The following DUSP22 variants were observed in gnomAD, a reference collection of about 807,000 sequenced individuals.
DUSP22 encodes dual specificity protein phosphatase 22.
DUSP22 carries 24 observed loss-of-function variants against 24.5 expected under a neutral mutation model. The observed-to-expected ratio is 0.98, with a 90% CI of 0.71 to 1.38. The LOEUF (loss-of-function observed/expected upper bound fraction) is 1.38, where lower values mean the gene tolerates loss of function less well. DUSP22 is among the 40% of genes most tolerant of loss of function. The probability of loss-of-function intolerance (pLI) is 0.00; values close to 1 mark genes in which losing one functional copy is unlikely to be tolerated. For missense variants in DUSP22, 330 were observed against 269.2 expected (o/e 1.23, Z -1.58); for synonymous variants, 160 against 106.4 (o/e 1.50, Z -3.10).
At chr6:340,123 C>T (rs1759539502) in intron 4 of DUSP22, among the ~76,000 whole-genome samples, 1 of 152,300 alleles carries the variant, frequency 6.6e-6, no homozygotes, top group African/African-American at 2.4e-5. Flanking sequence ...GTAGAGAGGC[C>T]CTTTGTTTTA....
intron 3 of DUSP22, among the ~76,000 whole-genome samples, chr6:323,249 T>TGTGC (rs1758695505): frequency 6.6e-6 from 1 of 152,216 alleles, no homozygotes; most frequent in Admixed American, 6.5e-5. Context: ...CATGTGTGTG[T>TGTGC]GTGTGTGTGT....
intron 3 of DUSP22, among the ~76,000 whole-genome samples, chr6:332,412 T>C (rs559952019): frequency 3.3e-5 from 5 of 152,418 alleles, no homozygotes; most frequent in Middle Eastern, 3.4e-3. Flanking sequence ...GATGGAGAGA[T>C]AGCCTTTGCC....
chr6:312,323 T>C (rs1758147754), intron 3 of DUSP22, among the ~76,000 whole-genome samples: 1 of 152,304 alleles, frequency 6.6e-6, no homozygotes, highest in African/African-American at 2.4e-5. Flanking sequence ...GCCTGCTCAT[T>C]TCCTGATTTT....
chr6:332,712 T>A (rs1168208980), intron 3 of DUSP22, among the ~76,000 whole-genome samples: 1 of 151,518 alleles, frequency 6.6e-6, no homozygotes, highest in African/African-American at 2.4e-5. Context: ...TGGAATAAAG[T>A]GGCTGTCAGT....
At chr6:304,171 G>A (rs942303386) in intron 1 of DUSP22, among the ~76,000 whole-genome samples, 1 of 152,308 alleles carries the variant, frequency 6.6e-6, no homozygotes, top group Non-Finnish European at 1.5e-5. Flanking sequence ...GACATAGAGG[G>A]CTACTGTCAC....
intron 1 of DUSP22, 86 bp downstream of exon 1, chr6:292,646 C>G: frequency 6.6e-7 from 1 of 1,509,066 alleles, no homozygotes; most frequent in Non-Finnish European, 8.9e-7. Flanking sequence ...ACGACTCGAG[C>G]CCGGGGTGCC....
At chr6:310,034 C>T (rs1486895041) in intron 2 of DUSP22, among the ~76,000 whole-genome samples, 1 of 152,416 alleles carries the variant, frequency 6.6e-6, no homozygotes, top group Non-Finnish European at 1.5e-5. Flanking sequence ...GATCTCGGCT[C>T]ACTGCAACCT....
intron 1 of DUSP22, among the ~76,000 whole-genome samples, chr6:293,509 T>TCCAC (rs1386214695): frequency 6.6e-6 from 1 of 152,048 alleles, no homozygotes; most frequent in African/African-American, 2.4e-5. Flanking sequence ...TTCATTGCGC[T>TCCAC]CCACCCACCC....
chr6:293,051 T>G (rs1462961878), intron 1 of DUSP22, among the ~76,000 whole-genome samples: 1 of 152,290 alleles, frequency 6.6e-6, no homozygotes, highest in Admixed American at 6.5e-5. Flanking sequence ...GACAGAGAAG[T>G]TAACAGAGTC....
chr6:332,596 A>G (rs1759187469), intron 3 of DUSP22, among the ~76,000 whole-genome samples: 1 of 152,058 alleles, frequency 6.6e-6, no homozygotes, highest in African/African-American at 2.4e-5. Flanking sequence ...ATTTATAGCC[A>G]GCAAAGAGCT....
chr6:297,617 C>T (rs1757398738), intron 1 of DUSP22, among the ~76,000 whole-genome samples: 1 of 152,306 alleles, frequency 6.6e-6, no homozygotes, highest in Non-Finnish European at 1.5e-5. Flanking sequence ...CCTGTGACAA[C>T]CAAAAATGTC....
At chr6:308,914 C>T (rs1032951848) in intron 2 of DUSP22, among the ~76,000 whole-genome samples, 1 of 152,426 alleles carries the variant, frequency 6.6e-6, no homozygotes, top group East Asian at 1.9e-4. Context: ...GAGCTGGCGC[C>T]ATCAGGCTGC....
intron 1 of DUSP22, among the ~76,000 whole-genome samples, chr6:296,691 A>G (rs893212030): frequency 6.6e-6 from 1 of 152,302 alleles, no homozygotes; most frequent in Non-Finnish European, 1.5e-5. Flanking sequence ...ATTAAAAACA[A>G]AACAAACGAC....
chr6:335,000 ACTT>A (rs1251823205), intron 3 of DUSP22, 111 bp from the exon 4 acceptor site: 12 of 1,256,824 alleles, frequency 9.5e-6, no homozygotes, highest in Non-Finnish European at 1.3e-5. Context: ...TGAGTGAAAA[ACTT>A]CTCCTTTTTA....
intron 1 of DUSP22, among the ~76,000 whole-genome samples, chr6:296,229 G>C (rs1757322572): frequency 6.6e-6 from 1 of 152,306 alleles, no homozygotes; most frequent in South Asian, 2.1e-4. Flanking sequence ...TTCCTAGGTA[G>C]ATGCCCCACA....
rs1451006050 is a variant in DUSP22, at chr6:350,485, G to A, written c.*1534G>A. 1 of 1,196,592 alleles carries A rather than the reference G, an allele frequency of 8.4e-7. No individual in the cohort carries two copies. Among genetic ancestry groups the A allele is most frequent in the Non-Finnish European group, 1.0e-6 (1 of 960,770 alleles). The allele number at this position is 1,196,592 out of a possible 1,614,324, so 74.1% of individuals were successfully genotyped here. ...CAAAAAGAGACCCTGAATAAGAAGAGCAGTTTTCCTGTGCATATAGAGGGT... is the reference window on the plus strand; with the variant it reads ...CAAAAAGAGACCCTGAATAAGAAGAACAGTTTTCCTGTGCATATAGAGGGT... On this transcript the variant is annotated 3_prime_UTR_variant, in exon 7 of 7. Coordinates refer to ENST00000419235, the MANE Select transcript of DUSP22 (RefSeq NM_001286555.3).
At chr6:307,276 C>T (rs1757853428) in intron 2 of DUSP22, among the ~76,000 whole-genome samples, 1 of 152,298 alleles carries the variant, frequency 6.6e-6, no homozygotes, top group Non-Finnish European at 1.5e-5. Flanking sequence ...TCTCCTTCCT[C>T]CCCTCCCTTC....
intron 2 of DUSP22, among the ~76,000 whole-genome samples, chr6:306,140 T>TTA (rs1757805832): frequency 6.6e-6 from 1 of 152,310 alleles, no homozygotes; most frequent in Non-Finnish European, 1.5e-5. Flanking sequence ...CCAGGATACA[T>TTA]TAATGTAGCA....
intron 1 of DUSP22, among the ~76,000 whole-genome samples, chr6:303,683 G>T (rs972031605): frequency 6.6e-6 from 1 of 152,308 alleles, no homozygotes; most frequent in African/African-American, 2.4e-5. Flanking sequence ...AAGTGATATC[G>T]TGAGCATACT....
Sources: allele counts gnomAD v4.1 joint callset (sites outside exome capture counted in the v4.1 genomes callset), GRCh38; gene constraint gnomAD v4.1.1; transcripts MANE v1.5; gene names NCBI Gene and HGNC (gene_info 2026-07-23, HGNC 2026-07-21).